GP2: variants seen among roughly 807,000 people sequenced by gnomAD.
The protein encoded by GP2 is glycoprotein 2, also known as pancreatic secretory granule membrane major glycoprotein GP2.
In GP2, 58 loss-of-function variants were observed where a neutral mutation model predicts 60.8. The observed-to-expected ratio is 0.95, with a 90% confidence interval of 0.77 to 1.19. The LOEUF is 1.19. Ranked by LOEUF, GP2 falls within the 50% of genes most tolerant of loss-of-function variation. GP2 has a pLI of 0.00. For synonymous variants in GP2, 280 were observed against 253.4 expected (o/e 1.10, Z -1.00); for missense variants, 647 against 667.4 (o/e 0.97, Z 0.34).
rs1241319877 is a variant in GP2 at position 20,317,258 on chromosome 16, A to G, written c.1371T>C (p.His457=). Residue 457 remains histidine (H), a synonymous_variant, in exon 8 of 11, where the codon CAT becomes CAC. Transcript: ENST00000302555. ...FAGHYDLVFL[H]CEIHLCDSLN... is the part of the protein sequence containing the mutation. ...GAGAATCACAGAGATGAATCTCACA[A>G]TGCAGGAAAACTAGGTCATAATGTC... The G allele has an allele frequency of 6.2e-7, 1 of 1,613,640 alleles. No individual in the cohort carries two copies. The highest frequency in any genetic ancestry group is 8.5e-7 in the Non-Finnish European group (1 of 1,179,564).
chr16:20,323,802 G>A lies in GP2; in HGVS notation c.535+14C>T. On this transcript the variant is annotated intron_variant, in intron 3 of 10. Transcript: ENST00000302555. ...TGGCTGTGTAGCTGCCTCCTCCAGG[G>A]CTCTGCTGCTCACCTGTGCAGTATC... The A allele has an allele frequency of 6.4e-7, 1 of 1,569,710 alleles. No individual in the cohort carries two copies. The highest frequency in any genetic ancestry group is 1.2e-5 in the South Asian group (1 of 85,152).
At position 20,326,433 on chromosome 16, in the gene GP2, C is replaced by A. The variant is rs1454077523; in HGVS notation, c.-2G>T. On this transcript the variant is annotated 5_prime_UTR_variant, in exon 2 of 11. Coordinates refer to ENST00000302555, the MANE Select transcript of GP2 (RefSeq NM_001502.4). ...CATCCTTTCCATAAGGTGAGGCATG[C>A]AGGTCACTTTGCTGTATGCAGACTT... 1 of 1,613,078 alleles carries A rather than the reference C, an allele frequency of 6.2e-7. No homozygotes were observed. The highest frequency in any genetic ancestry group is 1.1e-5 in the South Asian group (1 of 91,058).
chr16:20,316,434 C>T (rs553431390), intron 8 of GP2, among the ~76,000 whole-genome samples: 1 of 152,326 alleles, frequency 6.6e-6, no homozygotes, highest in African/African-American at 2.4e-5. Context: ...GGCACTGGAG[C>T]CACCTCTCGG....
chr16:20,324,096 G>T lies in GP2; in HGVS notation c.255C>A (p.Cys85Ter), dbSNP rs140546073. 2.5e-6 allele frequency: 4 copies of T among 1,614,016 alleles called. No homozygotes were observed. The highest frequency in any genetic ancestry group is 3.4e-6 in the Non-Finnish European group (4 of 1,179,904). ...STENSAGSQGCDKNMSGWYRF... is the reference protein window; with the variant it reads ...STENSAGSQG ...GGTACCAGCCGCTCATGTTTTTATC[G>T]CACCCCTGGGACCCTGCTGAGTTCT... Residue 85 changes from cysteine (C) to a stop codon, truncating the protein, a stop_gained, in exon 3 of 11, where the codon TGC becomes TGA. Coordinates refer to ENST00000302555, the MANE Select transcript of GP2 (RefSeq NM_001502.4). LOFTEE classifies it high-confidence loss of function.
rs1305576764 is a variant in GP2, at chr16:20,320,356, T to C, written c.764A>G (p.Asp255Gly). The change falls in exon 5 of 11, where the codon GAC becomes GGC. Residue 255 changes from aspartate to glycine, a missense_variant. Physicochemically the swap from Asp to Gly is moderately conservative, Grantham distance 94 (BLOSUM62 -1). Transcript: ENST00000302555. ...CTGCAAGATGCTGCTGCAGTTTGGG[T>C]CTCGCAGGTAGGCAATGACCTCCTC... ...LGEEVIAYLRDPNCSSILQTE... is the reference protein window; with the variant it reads ...LGEEVIAYLRGPNCSSILQTE... The C allele has an allele frequency of 6.2e-7, 1 of 1,613,920 alleles. No homozygotes were observed. The highest frequency in any genetic ancestry group is 1.6e-4 in the Middle Eastern group (1 of 6,062).
At chr16:20,315,910 T>C (rs1462283340) in intron 9 of GP2, 46 bp downstream of exon 9, 1 of 1,205,430 alleles carries the variant, frequency 8.3e-7, no homozygotes, top group African/African-American at 1.5e-5. Context: ...TGGTTAACTG[T>C]CAACACTCAG....
At chr16:20,327,307 T>C (rs879941112) in intron 1 of GP2, 160 bp downstream of exon 1, 1 of 371,408 alleles carries the variant, frequency 2.7e-6, no homozygotes, top group Non-Finnish European at 5.1e-6. Flanking sequence ...CATGACTGAG[T>C]TGGACATAGA....
chr16:20,323,520 G>A, intron 3 of GP2: 1 of 617,558 alleles, frequency 1.6e-6, no homozygotes, highest in East Asian at 2.8e-5. Flanking sequence ...AGAACACTGA[G>A]GCTCAGGGAG....
At chr16:20,325,531 T>C (rs768421137) in intron 2 of GP2, among the ~76,000 whole-genome samples, 1 of 152,200 alleles carries the variant, frequency 6.6e-6, no homozygotes, top group Non-Finnish European at 1.5e-5. Context: ...AAGAAAGCCT[T>C]AAACGATTGT....
At chr16:20,326,497 T>C in intron 1 of GP2, 30 bp from the exon 2 acceptor site, 1 of 1,583,802 alleles carries the variant, frequency 6.3e-7, no homozygotes, top group Non-Finnish European at 8.6e-7. Flanking sequence ...AAGATAAGAT[T>C]AGGGCATAGG....
intron 2 of GP2, 80 bp downstream of exon 2, chr16:20,326,258 G>C (rs771396109): frequency 7.5e-7 from 1 of 1,341,494 alleles, no homozygotes; most frequent in Non-Finnish European, 1.1e-6. Flanking sequence ...TTCCTTACCT[G>C]AGCCACCTTC....
intron 8 of GP2, among the ~76,000 whole-genome samples, chr16:20,316,853 C>G (rs1008828125): frequency 1.7e-4 from 25 of 151,352 alleles, no homozygotes; most frequent in African/African-American, 6.1e-4. Context: ...CCTGTCCCTC[C>G]TTTCCTCCTC....
In GP2 at chr16:20,320,242, G is replaced by T; in HGVS notation, c.858+20C>A. The T allele has an allele frequency of 6.4e-7, 1 of 1,556,162 alleles. No individual in the cohort carries two copies. The stretch of plus-strand genomic sequence containing the variant: ...GCCCAACACATACCTTCTGGCAGCA[G>T]TGGTGTGAAAGCCACTTACCTCCAG... On this transcript the variant is annotated intron_variant, in intron 5 of 10. Transcript: ENST00000302555.
intron 4 of GP2, among the ~76,000 whole-genome samples, chr16:20,320,850 A>G (rs1304650091): frequency 6.6e-6 from 1 of 152,176 alleles, no homozygotes; most frequent in Non-Finnish European, 1.5e-5. Context: ...TATTCAACAC[A>G]CAACTTCTTG....
chr16:20,321,291 A>G (rs1272213441), intron 4 of GP2, among the ~76,000 whole-genome samples: 1 of 151,930 alleles, frequency 6.6e-6, no homozygotes, highest in Non-Finnish European at 1.5e-5. Flanking sequence ...CAAACTCCTG[A>G]CCTCAAGCGA....
chr16:20,327,301 A>G, intron 1 of GP2, 166 bp downstream of exon 1: 1 of 365,688 alleles, frequency 2.7e-6, no homozygotes, highest in South Asian at 2.2e-5. Flanking sequence ...TGGAAGCATG[A>G]CTGAGTTGGA....
chr16:20,317,188 G>C lies in GP2; in HGVS notation c.1416+25C>G, dbSNP rs1964205370. On this transcript the variant is annotated intron_variant, in intron 8 of 10. Transcript: ENST00000302555. ...ACCAGGCTCCATGCCAGGCTCTGAA[G>C]AGTTCAGTTCAAAGAGACACTCACA... 2.7e-6 allele frequency: 4 copies of C among 1,461,792 alleles called. No individual in the cohort carries two copies. The East Asian group carries it at 1.2e-4, about 43-fold the overall frequency. The allele number at this position is 1,461,792 out of a possible 1,614,324, so 90.6% of individuals were successfully genotyped here.
chr16:20,321,219 C>T (rs998382084), intron 4 of GP2, among the ~76,000 whole-genome samples: 7 of 152,118 alleles, frequency 4.6e-5, no homozygotes, highest in African/African-American at 1.7e-4. Context: ...TGAGCCACCA[C>T]ACCTGGCTAA....
At chr16:20,316,694 T>G (rs1343552929) in intron 8 of GP2, among the ~76,000 whole-genome samples, 1 of 152,130 alleles carries the variant, frequency 6.6e-6, no homozygotes, top group African/African-American at 2.4e-5. Flanking sequence ...TTATCAAATC[T>G]GCCTCCTGGG....
Sources: allele counts gnomAD v4.1 joint callset (sites outside exome capture counted in the v4.1 genomes callset), GRCh38; gene constraint gnomAD v4.1.1; transcripts MANE v1.5; gene names NCBI Gene and HGNC (gene_info 2026-07-23, HGNC 2026-07-21).